The following U2SURP variants were observed in gnomAD, a reference collection of about 807,000 sequenced individuals.
The protein encoded by U2SURP is U2 snRNP associated SURP domain containing, also known as U2 snRNP-associated SURP motif-containing protein.
In U2SURP, 9 loss-of-function variants were observed where a neutral mutation model predicts 144.9. The observed-to-expected ratio is 0.06, with a 90% CI of 0.04 to 0.11. The LOEUF (loss-of-function observed/expected upper bound fraction) is 0.11. Ranked by LOEUF, U2SURP falls within the 10% of genes least tolerant of loss-of-function variation. U2SURP has a pLI of 1.00. For missense variants in U2SURP, 724 were observed against 1,226.7 expected (o/e 0.59, Z 6.12); for synonymous variants, 408 against 396.8 (o/e 1.03, Z -0.33).
rs1935002762 is a variant in U2SURP, at chr3:143,053,670, T to C, written c.2656-6T>C. The C allele has an allele frequency of 1.5e-6, 2 of 1,327,908 alleles. No homozygotes were observed. The highest frequency in any genetic ancestry group is 1.4e-5 in the South Asian group (1 of 72,684). The allele number at this position is 1,327,908 out of a possible 1,614,324, so 82.3% of individuals were successfully genotyped here. Reference sequence around the variant, plus strand: ...ACAACTTAATATTTTCTATAAAAAATAACAGGAGAAAGAGAAAGAGTTAGA... The same window carrying C: ...ACAACTTAATATTTTCTATAAAAAACAACAGGAGAAAGAGAAAGAGTTAGA... On this transcript the variant is annotated splice_polypyrimidine_tract_variant and splice_region_variant and intron_variant, in intron 25 of 27. Transcript: ENST00000473835.
intron 24 of U2SURP, among the ~76,000 whole-genome samples, chr3:143,047,971 C>T (rs1198564312): frequency 1.3e-5 from 2 of 152,122 alleles, no homozygotes; most frequent in African/African-American, 4.8e-5. Context: ...CTGGAGTTTC[C>T]TTTTCTTATT....
At position 143,035,970 on chromosome 3, in the gene U2SURP, C is replaced by T; in HGVS notation, c.1942-12C>T. 3 of 1,584,004 alleles carry T rather than the reference C, an allele frequency of 1.9e-6. No individual in the cohort carries two copies. The highest frequency in any genetic ancestry group is 1.2e-5 in the South Asian group (1 of 85,096). On this transcript the variant is annotated splice_polypyrimidine_tract_variant and intron_variant, in intron 19 of 27. Transcript: ENST00000473835. The stretch of plus-strand genomic sequence containing the variant: ...AAAATAAAAGTTTGTTGTCTGTTTC[C>T]TGTTTCTTTAGCAACGGGTAATGAC...
At chr3:143,036,167 A>G (rs1172587513) in intron 20 of U2SURP, 63 bp downstream of exon 20, 10 of 1,514,344 alleles carry the variant, frequency 6.6e-6, no homozygotes, top group Non-Finnish European at 8.8e-6. Flanking sequence ...GGTTTCTTGG[A>G]GTTGTTCTGT....
At chr3:143,044,890 C>T (rs919394589) in intron 24 of U2SURP, among the ~76,000 whole-genome samples, 1 of 152,070 alleles carries the variant, frequency 6.6e-6, no homozygotes, top group Admixed American at 6.5e-5. Flanking sequence ...GTAGAGTCAG[C>T]GTGGTGTCAT....
At chr3:143,021,310 T>C (rs760796982) in intron 8 of U2SURP, 40 bp from the exon 9 acceptor site, 1 of 1,559,246 alleles carries the variant, frequency 6.4e-7, no homozygotes, top group Non-Finnish European at 8.7e-7. Flanking sequence ...GACTACTGTA[T>C]TATAAAAACT....
intron 11 of U2SURP, 25 bp from the exon 12 acceptor site, chr3:143,022,828 A>G (rs1005013821): frequency 6.6e-7 from 1 of 1,516,352 alleles, no homozygotes; most frequent in Non-Finnish European, 8.8e-7. Flanking sequence ...AGTTAACAAA[A>G]TGACCTTTCA....
rs542069458 is a variant in U2SURP, at chr3:143,056,666, A to G, written c.*216A>G. On this transcript the variant is annotated 3_prime_UTR_variant, in exon 28 of 28. Coordinates refer to ENST00000473835, the MANE Select transcript of U2SURP (RefSeq NM_001080415.2). ...ACTTTCATTGTGGCTATTTCTCAAG[A>G]TGAAATTTTTATTGTTCTAATGGAT... The G allele has an allele frequency of 4.1e-6, 2 of 487,188 alleles. No individual in the cohort carries two copies. The highest frequency in any genetic ancestry group is 3.6e-6 in the Non-Finnish European group (1 of 280,134). The allele number at this position is 487,188 out of a possible 1,614,324, so 30.2% of individuals were successfully genotyped here. A position where few individuals can be genotyped will look rare whatever the true frequency, so the allele number is the denominator to read the frequency against.
intron 2 of U2SURP, chr3:143,011,844 T>G (rs1321290513): frequency 2.4e-6 from 1 of 411,760 alleles, no homozygotes; most frequent in Non-Finnish European, 4.8e-6. Context: ...GATGTTTGTT[T>G]GAGTTGAGAA....
In U2SURP at chr3:143,051,023, C is replaced by T; in HGVS notation, c.2629C>T (p.His877Tyr). ...CCAGAGTTTTCAGGAGCAAGTAGAA[C>T]ACTACAGAGATAAACTTCTTCAACG... ...PGQSFQEQVE[H>Y]YRDKLLQREK... Residue 877 changes from histidine (H) to tyrosine (Y), a missense_variant, in exon 25 of 28, where the codon CAC (histidine) becomes TAC (tyrosine). By Grantham distance (83) the His-to-Tyr change is moderately conservative (BLOSUM62 2). Coordinates refer to ENST00000473835, the MANE Select transcript of U2SURP (RefSeq NM_001080415.2). 1 of 1,611,530 alleles carries T rather than the reference C, an allele frequency of 6.2e-7. No homozygotes were observed. The highest frequency in any genetic ancestry group is 8.5e-7 in the Non-Finnish European group (1 of 1,178,502).
intron 27 of U2SURP, 22 bp downstream of exon 27, chr3:143,055,141 T>C: frequency 6.5e-7 from 1 of 1,539,824 alleles, no homozygotes; most frequent in Non-Finnish European, 8.7e-7. Context: ...TCATTTTTGC[T>C]AATATTTCAG....
chr3:143,028,840 T>G (rs1933310903), intron 16 of U2SURP, among the ~76,000 whole-genome samples, 194 bp downstream of exon 16: 1 of 152,244 alleles, frequency 6.6e-6, no homozygotes, highest in Admixed American at 6.5e-5. Flanking sequence ...CCTGTTGTCC[T>G]TGAGTTTTCT....
Position 143,038,889 on chromosome 3 carries a change from T to C in U2SURP, c.2318-5T>C. ...GAATTACATCCTCCTTTTCCTTTCA[T>C]TCAGCTGTTACAACTTCTAAATGGG... On this transcript the variant is annotated splice_polypyrimidine_tract_variant and splice_region_variant and intron_variant, in intron 22 of 27. Coordinates refer to ENST00000473835, the MANE Select transcript of U2SURP (RefSeq NM_001080415.2). 1 of 1,540,262 alleles carries C rather than the reference T, an allele frequency of 6.5e-7. No individual in the cohort carries two copies. The highest frequency in any genetic ancestry group is 8.7e-7 in the Non-Finnish European group (1 of 1,144,418).
At chr3:143,009,087 T>G (rs537611194) in intron 1 of U2SURP, among the ~76,000 whole-genome samples, 2 of 152,194 alleles carry the variant, frequency 1.3e-5, no homozygotes, top group Non-Finnish European at 2.9e-5. Context: ...CCTGAACTTG[T>G]TTTTCTTTTG....
At chr3:143,026,411 A>G (rs955061592) in intron 13 of U2SURP, 2 of 152,184 alleles carry the variant, frequency 1.3e-5, no homozygotes, top group South Asian at 2.1e-4. Context: ...GGCTTTGGCA[A>G]CATAATTTCT....
intron 24 of U2SURP, among the ~76,000 whole-genome samples, chr3:143,047,109 C>G (rs1266171801): frequency 1.9e-5 from 2 of 106,908 alleles, no homozygotes; most frequent in Admixed American, 8.2e-5. Context: ...CCTCACTTCC[C>G]AGTAGGGGCG....
chr3:143,053,965 G>A (rs1935017705), intron 26 of U2SURP, among the ~76,000 whole-genome samples, 171 bp downstream of exon 26: 1 of 152,168 alleles, frequency 6.6e-6, no homozygotes, highest in Non-Finnish European at 1.5e-5. Flanking sequence ...CATTTAGTTG[G>A]CACTTGACTT....
rs544623014 is a variant in U2SURP, at chr3:143,035,160, A to G, written c.1941+185A>G. On this transcript the variant is annotated intron_variant, in intron 19 of 27. Coordinates refer to ENST00000473835, the MANE Select transcript of U2SURP (RefSeq NM_001080415.2). ...TCAAATCAAAAATTTAAAAGATACT[A>G]TTTTGTCAGGTTTAATTTTAGTTTT... Among the ~76,000 whole-genome samples, 9 of 152,236 alleles carry G rather than the reference A, an allele frequency of 5.9e-5. No individual in the cohort carries two copies. The East Asian group carries it at 1.5e-3, about 26-fold the overall frequency.
intron 13 of U2SURP, 130 bp downstream of exon 13, chr3:143,024,148 G>A: frequency 1.3e-6 from 1 of 794,986 alleles, no homozygotes; most frequent in Non-Finnish European, 2.1e-6. Flanking sequence ...ACTTTTTGCG[G>A]GGGGATGTGT....
At chr3:143,054,649 T>A (rs1935053387) in intron 26 of U2SURP, among the ~76,000 whole-genome samples, 1 of 152,194 alleles carries the variant, frequency 6.6e-6, no homozygotes, top group African/African-American at 2.4e-5. Context: ...TTCAACATTT[T>A]AAAAAACTGA....
Sources: gnomAD v4.1 joint callset for allele counts (sites outside exome capture counted in the v4.1 genomes callset) on GRCh38, gnomAD v4.1.1 for gene constraint, MANE v1.5 for transcripts, NCBI Gene and HGNC (gene_info 2026-07-23, HGNC 2026-07-21) for gene names.